ZCWPW2: variants seen among roughly 807,000 people sequenced by gnomAD.
ZCWPW2 encodes zinc finger CW-type and PWWP domain containing 2.
ZCWPW2 carries 45 observed loss-of-function variants against 46.6 expected under a neutral mutation model. The observed-to-expected ratio is 0.96, with a 90% CI of 0.76 to 1.24. The LOEUF is 1.24. Among genes scored for constraint, ZCWPW2 ranks in the 50% most tolerant of loss-of-function variants. ZCWPW2 has a pLI of 0.00. For synonymous variants in ZCWPW2, 152 were observed against 137.1 expected (o/e 1.11, Z -0.76); for missense variants, 429 against 403.9 (o/e 1.06, Z -0.53).
intron 4 of ZCWPW2, among the ~76,000 whole-genome samples, chr3:28,459,983 G>A (rs142025746): frequency 2.2e-4 from 33 of 152,134 alleles, no homozygotes; most frequent in Admixed American, 6.5e-4. Context: ...TTTTCTGATT[G>A]GTTCATTGGA....
At chr3:28,458,571 G>C (rs1217888434) in intron 4 of ZCWPW2, among the ~76,000 whole-genome samples, 1 of 152,138 alleles carries the variant, frequency 6.6e-6, no homozygotes, top group Non-Finnish European at 1.5e-5. Flanking sequence ...CACAGCAGCA[G>C]AACCAGGACT....
chr3:28,370,794 G>T (rs1422010145), intron 1 of ZCWPW2, among the ~76,000 whole-genome samples: 1 of 152,130 alleles, frequency 6.6e-6, no homozygotes, highest in East Asian at 1.9e-4. Flanking sequence ...GTGCAATGGT[G>T]TAATCTCGGC....
intron 1 of ZCWPW2, among the ~76,000 whole-genome samples, chr3:28,359,500 A>G (rs528999422): frequency 6.6e-6 from 1 of 152,102 alleles, no homozygotes; most frequent in African/African-American, 2.4e-5. Context: ...TAATAGCTTG[A>G]GTTGAAGAAA....
chr3:28,448,967 A>G (rs775706126), intron 4 of ZCWPW2, among the ~76,000 whole-genome samples: 11 of 152,148 alleles, frequency 7.2e-5, no homozygotes, highest in Admixed American at 2.0e-4. Context: ...AGCCAAAACA[A>G]TCTTGAAGAA....
intron 1 of ZCWPW2, among the ~76,000 whole-genome samples, chr3:28,366,525 T>C (rs1195109225): frequency 7.5e-6 from 1 of 132,670 alleles, no homozygotes; most frequent in South Asian, 2.7e-4. Context: ...CTTTTTGATG[T>C]GCTGCTGGAT....
Position 28,497,286 on chromosome 3 carries a change from AT to A in ZCWPW2, c.657+5123del, listed in dbSNP as rs549694875. ...TGTATATACGTGTAAATGTTTTGTG[AT>A]TTTTTTTTTACAATGAGATCTTATT... is the stretch of plus-strand genomic sequence containing the variant. On this transcript the variant is annotated intron_variant, in intron 6 of 9. Coordinates refer to ENST00000383768, the MANE Select transcript of ZCWPW2 (RefSeq NM_001040432.4). Among the ~76,000 whole-genome samples the A allele has an allele frequency of 8.5e-3, 1,252 of 147,888 alleles. 11 individuals are homozygous for A. The highest frequency in any genetic ancestry group is 0.011 in the Middle Eastern group (3 of 284).
intron 2 of ZCWPW2, among the ~76,000 whole-genome samples, chr3:28,411,350 A>G (rs182795960): frequency 4.5e-4 from 68 of 152,162 alleles, no homozygotes; most frequent in Non-Finnish European, 8.1e-4. Flanking sequence ...TCAACAAAAA[A>G]AATCCTTTTG....
At chr3:28,470,898 A>G (rs1429501945) in intron 4 of ZCWPW2, among the ~76,000 whole-genome samples, 1 of 152,162 alleles carries the variant, frequency 6.6e-6, no homozygotes, top group Non-Finnish European at 1.5e-5. Flanking sequence ...GACCCAATAA[A>G]TAAAATCAGA....
chr3:28,448,344 C>T (rs978723804), intron 4 of ZCWPW2, among the ~76,000 whole-genome samples: 8 of 151,952 alleles, frequency 5.3e-5, no homozygotes, highest in African/African-American at 1.9e-4. Context: ...ACAATGGCAT[C>T]AAAAAGAACA....
At chr3:28,452,168 G>A (rs1698250024) in intron 4 of ZCWPW2, among the ~76,000 whole-genome samples, 1 of 152,172 alleles carries the variant, frequency 6.6e-6, no homozygotes, top group South Asian at 2.1e-4. Context: ...TGGTTAAAAA[G>A]GCAGACTCTA....
intron 4 of ZCWPW2, among the ~76,000 whole-genome samples, chr3:28,451,042 C>G (rs1424934886): frequency 2.0e-5 from 3 of 152,116 alleles, no homozygotes; most frequent in Non-Finnish European, 4.4e-5. Context: ...AGTGAAATAT[C>G]ATCCAGAGTT....
At chr3:28,396,880 G>A (rs946621644) in intron 2 of ZCWPW2, among the ~76,000 whole-genome samples, 1 of 152,144 alleles carries the variant, frequency 6.6e-6, no homozygotes, top group Non-Finnish European at 1.5e-5. Flanking sequence ...TGTAATCCCA[G>A]CACTTTTGGA....
intron 2 of ZCWPW2, among the ~76,000 whole-genome samples, chr3:28,410,106 G>T (rs975906791): frequency 4.6e-5 from 7 of 152,014 alleles, no homozygotes; most frequent in African/African-American, 1.7e-4. Context: ...TAGTAGATTG[G>T]CAAAGAACAT....
chr3:28,494,426 G>C (rs1699918607), intron 6 of ZCWPW2, among the ~76,000 whole-genome samples: 2 of 141,576 alleles, frequency 1.4e-5, no homozygotes, highest in African/African-American at 5.3e-5. Context: ...CCCATTGCTT[G>C]TTTTTCTCAG....
intron 4 of ZCWPW2, among the ~76,000 whole-genome samples, chr3:28,468,084 T>C (rs1368747800): frequency 1.3e-5 from 2 of 152,028 alleles, no homozygotes; most frequent in African/African-American, 2.4e-5. Flanking sequence ...AGAGAAGGAA[T>C]TTCGAATTCT....
chr3:28,510,185 T>C (rs184505136), intron 6 of ZCWPW2, among the ~76,000 whole-genome samples: 3 of 152,330 alleles, frequency 2.0e-5, no homozygotes, highest in Admixed American at 1.3e-4. Flanking sequence ...CTTATTCCAG[T>C]ACCATACTAT....
At chr3:28,442,904 T>C (rs1697826280) in intron 4 of ZCWPW2, among the ~76,000 whole-genome samples, 2 of 152,208 alleles carry the variant, frequency 1.3e-5, no homozygotes, top group South Asian at 4.1e-4. Context: ...ATATTGTTTT[T>C]CATTTACTAT....
chr3:28,363,890 G>T (rs1478779219), intron 1 of ZCWPW2, among the ~76,000 whole-genome samples: 1 of 152,118 alleles, frequency 6.6e-6, no homozygotes, highest in Non-Finnish European at 1.5e-5. Flanking sequence ...CTCTGTGGTG[G>T]TGGACATTCC....
At chr3:28,384,814 C>T (rs1015849111) in intron 1 of ZCWPW2, among the ~76,000 whole-genome samples, 8 of 152,022 alleles carry the variant, frequency 5.3e-5, no homozygotes, top group Non-Finnish European at 7.4e-5. Context: ...CGGGGTTTTA[C>T]CATGTTGGCC....
Sources: allele counts gnomAD v4.1 joint callset (sites outside exome capture counted in the v4.1 genomes callset), GRCh38; gene constraint gnomAD v4.1.1; transcripts MANE v1.5; gene names NCBI Gene and HGNC (gene_info 2026-07-23, HGNC 2026-07-21).